The following GRIK2 variants were observed in gnomAD, a reference collection of about 807,000 sequenced individuals.
The protein encoded by GRIK2 is glutamate ionotropic receptor kainate type subunit 2.
A neutral mutation model predicts 100.3 loss-of-function variants in GRIK2; 32 were observed. The observed-to-expected ratio is 0.32, with a 90% CI of 0.24 to 0.43. The LOEUF (loss-of-function observed/expected upper bound fraction) is 0.43. Among genes scored for constraint, GRIK2 ranks in the 20% least tolerant of loss-of-function variants. GRIK2 has a pLI of 1.00. For missense variants in GRIK2, 843 were observed against 1,114.9 expected, an observed-to-expected ratio of 0.76 and a Z score of 3.47; for synonymous variants, 417 against 389.4, an observed-to-expected ratio of 1.07 and a Z score of -0.83.
At chr6:101,822,669 G>A (rs374735296) in intron 10 of GRIK2, among the ~76,000 whole-genome samples, 17 of 151,944 alleles carry the variant, frequency 1.1e-4, no homozygotes, top group South Asian at 2.1e-4. Flanking sequence ...GGATTTATTC[G>A]TTTACTTGTA....
chr6:101,671,441 C>T (rs930663047), intron 4 of GRIK2, among the ~76,000 whole-genome samples: 1 of 152,034 alleles, frequency 6.6e-6, no homozygotes, highest in Non-Finnish European at 1.5e-5. Flanking sequence ...TTATAAGTCT[C>T]TTTACTATTT....
intron 12 of GRIK2, among the ~76,000 whole-genome samples, chr6:101,896,407 A>G (rs1203768857): frequency 6.6e-6 from 1 of 151,798 alleles, no homozygotes; most frequent in Non-Finnish European, 1.5e-5. Context: ...AAAATTGAGT[A>G]AGACAAAGGC....
At chr6:101,790,973 A>G (rs1327780098) in intron 7 of GRIK2, among the ~76,000 whole-genome samples, 1 of 152,154 alleles carries the variant, frequency 6.6e-6, no homozygotes, top group East Asian at 1.9e-4. Context: ...CATTTCTTCT[A>G]GATTTTCTAG....
At chr6:101,692,203 T>C (rs1330109069) in intron 7 of GRIK2, among the ~76,000 whole-genome samples, 3 of 152,148 alleles carry the variant, frequency 2.0e-5, no homozygotes, top group African/African-American at 7.2e-5. Flanking sequence ...TTTTCTTTAA[T>C]TCATTTGAAA....
chr6:101,646,045 G>T (rs1485230202), intron 4 of GRIK2, among the ~76,000 whole-genome samples: 4 of 151,244 alleles, frequency 2.6e-5, no homozygotes, highest in Non-Finnish European at 5.9e-5. Flanking sequence ...TGTAAACTGT[G>T]ACTGCCCATT....
intron 14 of GRIK2, among the ~76,000 whole-genome samples, chr6:101,992,002 G>T (rs1244094848): frequency 2.0e-5 from 3 of 151,554 alleles, no homozygotes; most frequent in Non-Finnish European, 4.4e-5. Context: ...TACTGAGCTT[G>T]GAAAAATGGT....
chr6:101,509,295 G>C (rs999128225), intron 2 of GRIK2, among the ~76,000 whole-genome samples: 6 of 152,106 alleles, frequency 3.9e-5, no homozygotes, highest in African/African-American at 1.4e-4. Context: ...ATAGTGCTAA[G>C]TAGGATTTAA....
intron 12 of GRIK2, among the ~76,000 whole-genome samples, chr6:101,895,493 G>A (rs1446841762): frequency 6.6e-6 from 1 of 151,706 alleles, no homozygotes; most frequent in Admixed American, 6.6e-5. Flanking sequence ...CTCAGCTATG[G>A]ACTAGCGTGC....
intron 15 of GRIK2, among the ~76,000 whole-genome samples, chr6:102,049,827 A>G (rs570249116): frequency 5.3e-5 from 8 of 152,304 alleles, no homozygotes; most frequent in Admixed American, 4.6e-4. Flanking sequence ...GAAACATTTG[A>G]AAGGCTGAAT....
intron 2 of GRIK2, among the ~76,000 whole-genome samples, chr6:101,504,719 T>G (rs1773933712): frequency 6.6e-6 from 1 of 152,090 alleles, no homozygotes; most frequent in African/African-American, 2.4e-5. Flanking sequence ...TAACAAAGCC[T>G]TTGTGGAGGT....
chr6:101,545,214 T>A (rs1306952372), intron 2 of GRIK2, among the ~76,000 whole-genome samples: 1 of 152,202 alleles, frequency 6.6e-6, no homozygotes, highest in Admixed American at 6.5e-5. Flanking sequence ...ATGGAGAATA[T>A]GCCTTTTTTC....
At chr6:101,652,307 C>T (rs1781838344) in intron 4 of GRIK2, among the ~76,000 whole-genome samples, 1 of 152,032 alleles carries the variant, frequency 6.6e-6, no homozygotes, top group African/African-American at 2.4e-5. Flanking sequence ...CATAAGAGGC[C>T]AGAGAGCTAG....
At chr6:101,481,754 G>A (rs1200131062) in intron 2 of GRIK2, among the ~76,000 whole-genome samples, 1 of 152,044 alleles carries the variant, frequency 6.6e-6, no homozygotes, top group Non-Finnish European at 1.5e-5. Context: ...GAGTGATATG[G>A]TTTGGCTGTG....
intron 2 of GRIK2, among the ~76,000 whole-genome samples, chr6:101,423,124 T>C (rs2128240781): frequency 6.6e-6 from 1 of 152,334 alleles, no homozygotes. Flanking sequence ...TATGTTACTC[T>C]CTTTCTCTAT....
At chr6:101,695,494 T>G (rs1337243679) in intron 7 of GRIK2, among the ~76,000 whole-genome samples, 1 of 152,148 alleles carries the variant, frequency 6.6e-6, no homozygotes, top group Non-Finnish European at 1.5e-5. Context: ...AATATTCATA[T>G]TTATCTATTT....
chr6:101,847,585 G>GA, intron 10 of GRIK2, among the ~76,000 whole-genome samples: 1 of 152,068 alleles, frequency 6.6e-6, no homozygotes, highest in Admixed American at 6.6e-5. Context: ...AAAACAACAA[G>GA]AAACAAAACC....
intron 7 of GRIK2, among the ~76,000 whole-genome samples, chr6:101,700,164 C>T (rs569675713): frequency 4.0e-4 from 61 of 151,866 alleles, no homozygotes; most frequent in African/African-American, 1.2e-3. Context: ...AACAAACAAA[C>T]AAACAAAAAT....
At chr6:101,591,077 A>G (rs1778617284) in intron 2 of GRIK2, among the ~76,000 whole-genome samples, 1 of 152,002 alleles carries the variant, frequency 6.6e-6, no homozygotes, top group Non-Finnish European at 1.5e-5. Context: ...TATTATATAT[A>G]TGGCATTTTT....
intron 2 of GRIK2, among the ~76,000 whole-genome samples, chr6:101,421,087 A>T (rs957045826): frequency 2.0e-5 from 3 of 152,126 alleles, no homozygotes; most frequent in African/African-American, 7.2e-5. Context: ...GTTCACTTTG[A>T]GGCCATGTTT....
Sources: allele counts gnomAD v4.1 joint callset (sites outside exome capture counted in the v4.1 genomes callset), GRCh38; gene constraint gnomAD v4.1.1; transcripts MANE v1.5; gene names NCBI Gene and HGNC (gene_info 2026-07-23, HGNC 2026-07-21).